Variants in LGR4 observed in about 807,000 individuals in gnomAD.
LGR4 encodes leucine rich repeat containing G protein-coupled receptor 4.
In LGR4, 44 loss-of-function variants were observed where a neutral mutation model predicts 84.8. That is an observed-to-expected ratio of 0.52 (90% CI 0.41 to 0.67). LGR4 has a LOEUF of 0.67. LGR4 is among the 30% of genes least tolerant of loss of function. The probability of loss-of-function intolerance (pLI) is 0.00; values close to 1 mark genes in which losing one functional copy is unlikely to be tolerated. For synonymous variants in LGR4, 429 were observed against 434.3 expected (o/e 0.99, Z 0.15); for missense variants, 1,032 against 1,131.4 (o/e 0.91, Z 1.26).
At chr11:27,455,531 C>CT (rs1218861407) in intron 1 of LGR4, among the ~76,000 whole-genome samples, 1 of 152,168 alleles carries the variant, frequency 6.6e-6, no homozygotes, top group African/African-American at 2.4e-5. Context: ...ACGACATAGC[C>CT]TTTTTGATGG....
At chr11:27,414,187 C>A (rs1168481333) in intron 1 of LGR4, among the ~76,000 whole-genome samples, 3 of 151,914 alleles carry the variant, frequency 2.0e-5, no homozygotes, top group Non-Finnish European at 2.9e-5. Context: ...CAGAAAACAC[C>A]AGAGCCCATG....
intron 1 of LGR4, among the ~76,000 whole-genome samples, chr11:27,414,349 T>C (rs1256526989): frequency 6.6e-6 from 1 of 151,676 alleles, no homozygotes; most frequent in Non-Finnish European, 1.5e-5. Flanking sequence ...CTTGACATAA[T>C]TATCCATGAA....
intron 1 of LGR4, among the ~76,000 whole-genome samples, chr11:27,437,979 G>A (rs1864241317): frequency 6.6e-6 from 1 of 151,954 alleles, no homozygotes; most frequent in Non-Finnish European, 1.5e-5. Context: ...TCGCTCCAGT[G>A]CACTCCAGCC....
intron 1 of LGR4, among the ~76,000 whole-genome samples, chr11:27,457,569 A>T (rs1190900219): frequency 6.6e-6 from 1 of 152,250 alleles, no homozygotes; most frequent in Admixed American, 6.5e-5. Flanking sequence ...AATTGGTGAT[A>T]ACAAACCTCA....
intron 1 of LGR4, among the ~76,000 whole-genome samples, chr11:27,454,376 T>C (rs1864535687): frequency 6.6e-6 from 1 of 152,214 alleles, no homozygotes; most frequent in Non-Finnish European, 1.5e-5. Context: ...ACTTTCTAAA[T>C]TGATTGAGAT....
intron 1 of LGR4, among the ~76,000 whole-genome samples, chr11:27,437,699 T>TGTGTG (rs1252183931): frequency 7.0e-5 from 4 of 57,428 alleles, no homozygotes; most frequent in Non-Finnish European, 1.7e-4. Context: ...GTGTGTGTGT[T>TGTGTG]TATGCTAAAA....
chr11:27,472,092 C>CT, intron 1 of LGR4, 26 bp downstream of exon 1: 1 of 1,216,366 alleles, frequency 8.2e-7, no homozygotes, highest in East Asian at 3.4e-5. Context: ...CTCCCCCCCC[C>CT]TCGCGTCCCC....
At chr11:27,466,974 C>A (rs1352150634) in intron 1 of LGR4, among the ~76,000 whole-genome samples, 1 of 151,798 alleles carries the variant, frequency 6.6e-6, no homozygotes, top group Non-Finnish European at 1.5e-5. Context: ...TAAGTAGAGA[C>A]GGGGTTTCAC....
intron 3 of LGR4, 105 bp from the exon 4 acceptor site, chr11:27,391,270 G>T: frequency 1.7e-6 from 1 of 579,082 alleles, no homozygotes. Flanking sequence ...ATTTCCAATG[G>T]GAAAATGGGG....
intron 1 of LGR4, among the ~76,000 whole-genome samples, chr11:27,435,258 A>G (rs973162937): frequency 6.6e-6 from 1 of 151,642 alleles, no homozygotes; most frequent in Admixed American, 6.6e-5. Context: ...GCTTGAACCC[A>G]GGAAGCAGAG....
chr11:27,457,248 A>G (rs1397470262), intron 1 of LGR4, among the ~76,000 whole-genome samples: 1 of 152,214 alleles, frequency 6.6e-6, no homozygotes, highest in African/African-American at 2.4e-5. Flanking sequence ...AGGCCCAGCA[A>G]TTCTTCACTA....
At chr11:27,402,004 A>C (rs893588065) in intron 2 of LGR4, among the ~76,000 whole-genome samples, 7 of 152,214 alleles carry the variant, frequency 4.6e-5, no homozygotes, top group Admixed American at 2.0e-4. Context: ...AGGGCTCAAA[A>C]TGGCTCTATA....
At chr11:27,453,193 C>G (rs548780107) in intron 1 of LGR4, among the ~76,000 whole-genome samples, 147 of 151,960 alleles carry the variant, frequency 9.7e-4, no homozygotes, top group Non-Finnish European at 1.8e-3. Context: ...CTCAGCCTCC[C>G]GAGTAGCTGG....
intron 1 of LGR4, among the ~76,000 whole-genome samples, chr11:27,414,584 G>A (rs7926992): frequency 0.44 from 66,235 of 151,392 alleles, 17,327 homozygotes; most frequent in African/African-American, 0.75. Flanking sequence ...CCTACTAAAG[G>A]AGCTTAAAAG....
chr11:27,464,563 G>A (rs901112803), intron 1 of LGR4, among the ~76,000 whole-genome samples: 3 of 152,182 alleles, frequency 2.0e-5, no homozygotes, highest in Non-Finnish European at 4.4e-5. Context: ...TGACTCTGCT[G>A]TTTACACTAA....
At position 27,450,686 on chromosome 11, in the gene LGR4, G is replaced by C. The variant is rs143109498; in HGVS notation, c.185+21432C>G. 4.4e-3 allele frequency among the ~76,000 whole-genome samples: 669 copies of C among 152,244 alleles called. 8 individuals are homozygous for C. The highest frequency in any genetic ancestry group is 0.015 in the African/African-American group (639 of 41,536). Reference sequence around the variant, plus strand: ...ACCTGTAATCCCACCTACTCGGGAGGCTGAGGCAGGAGAATCCCTTGAACC... The same window carrying C: ...ACCTGTAATCCCACCTACTCGGGAGCCTGAGGCAGGAGAATCCCTTGAACC... On this transcript the variant is annotated intron_variant, in intron 1 of 17. Coordinates refer to ENST00000379214, the MANE Select transcript of LGR4 (RefSeq NM_018490.5).
At chr11:27,466,218 C>T (rs879399429) in intron 1 of LGR4, among the ~76,000 whole-genome samples, 1 of 152,284 alleles carries the variant, frequency 6.6e-6, no homozygotes, top group East Asian at 1.9e-4. Flanking sequence ...AGTATACCAA[C>T]AAATACTGTA....
At chr11:27,462,840 G>C (rs527317984) in intron 1 of LGR4, among the ~76,000 whole-genome samples, 1 of 151,616 alleles carries the variant, frequency 6.6e-6, no homozygotes, top group Non-Finnish European at 1.5e-5. Flanking sequence ...TCCTGAACTC[G>C]GATGTCTTCA....
At chr11:27,445,051 G>C (rs1014491615) in intron 1 of LGR4, among the ~76,000 whole-genome samples, 1 of 148,358 alleles carries the variant, frequency 6.7e-6, no homozygotes, top group South Asian at 2.1e-4. Flanking sequence ...GGCAGAACTC[G>C]GGCAGCTGCC....
Sources: allele counts gnomAD v4.1 joint callset (sites outside exome capture counted in the v4.1 genomes callset), GRCh38; gene constraint gnomAD v4.1.1; transcripts MANE v1.5; gene names NCBI Gene and HGNC (gene_info 2026-07-23, HGNC 2026-07-21).